Variants in ACOT1 observed in about 807,000 individuals in gnomAD.
ACOT1 encodes the protein acyl-CoA thioesterase 1, also known as acyl-coenzyme A thioesterase 1.
Under a neutral mutation model 15.7 loss-of-function variants are expected in ACOT1, and 8 were observed. The ratio of observed to expected loss-of-function variants is 0.51; its 90% CI spans 0.30 to 0.92. ACOT1 has a LOEUF of 0.92. Among genes scored for constraint, ACOT1 ranks in the 40% least tolerant of loss-of-function variants. ACOT1 has a pLI of 0.06. For synonymous variants in ACOT1, 67 were observed against 241.2 expected (o/e 0.28, Z 6.69); for missense variants, 151 against 539.4 (o/e 0.28, Z 7.13).
At chr14:73,491,314 C>T in the ACOT1 span, 2 of 1,516,332 alleles carry the variant, frequency 1.3e-6, no homozygotes, top group African/African-American at 1.4e-5. Flanking sequence ...CATACGGCCA[C>T]CTGGGGCCCG....
the ACOT1 span, chr14:73,492,662 C>T: frequency 6.2e-7 from 1 of 1,613,834 alleles, no homozygotes; most frequent in Non-Finnish European, 8.5e-7. The surrounding 1 kb of genome is among the most constrained non-coding windows in gnomAD (Gnocchi z 4.9). Context: ...AACAGAAGTC[C>T]ATATGCTTCA....
chr14:73,493,882 C>T, the ACOT1 span, among the ~76,000 whole-genome samples: 1 of 152,142 alleles, frequency 6.6e-6, no homozygotes, highest in South Asian at 2.1e-4. Context: ...TGATTGGGAC[C>T]AGTTCACTAA....
At chr14:73,532,520 A>C (rs1888737096), upstream of ACOT1, among the ~76,000 whole-genome samples, 1 of 114,434 alleles carries the variant, frequency 8.7e-6, no homozygotes, top group South Asian at 2.7e-4. Flanking sequence ...AGCTCATGCT[A>C]TTCAGGTGGT....
At chr14:73,509,607 G>T in the ACOT1 span, 2 of 825,210 alleles carry the variant, frequency 2.4e-6, no homozygotes. Flanking sequence ...TATAATTACA[G>T]TTTAGCTGAG....
the ACOT1 span, chr14:73,491,520 C>T: frequency 6.6e-7 from 1 of 1,518,342 alleles, no homozygotes; most frequent in Non-Finnish European, 8.8e-7. Flanking sequence ...GCGACGGCGT[C>T]GGGGCCGCAG....
chr14:73,506,684 A>T, the ACOT1 span: 7 of 699,512 alleles, frequency 1.0e-5, no homozygotes, highest in Non-Finnish European at 1.7e-5. Context: ...CAGTGGGCTT[A>T]CAAGAGATGG....
At chr14:73,499,292 C>T in the ACOT1 span, 1 of 692,546 alleles carries the variant, frequency 1.4e-6, no homozygotes, top group Non-Finnish European at 2.6e-6. Flanking sequence ...ACCAGCCTGG[C>T]CAACATGGTG....
rs4903121 is a variant in ACOT1 at position 73,538,343 on chromosome 14, C to G, written c.457+465C>G. 3.5e-5 allele frequency among the ~76,000 whole-genome samples: 4 copies of G among 114,184 alleles called. 2 individuals are homozygous for G. The highest frequency in any genetic ancestry group is 7.6e-5 in the Non-Finnish European group (4 of 52,542). The allele number at this position is 114,184 out of a possible 152,430, so 74.9% of individuals were successfully genotyped here. On this transcript the variant is annotated intron_variant, in intron 1 of 2. Transcript: ENST00000311148. Reference sequence around the variant, plus strand: ...AAAGACATTGTAAGGGCTGGGCGCGCTGGCTCACGCCTGTAATCCCAGCAC... The same window carrying G: ...AAAGACATTGTAAGGGCTGGGCGCGGTGGCTCACGCCTGTAATCCCAGCAC...
At chr14:73,490,990 G>A in the ACOT1 span, 34,826 of 1,340,654 alleles carry the variant, frequency 0.026, 536 homozygotes, top group Middle Eastern at 0.034. Context: ...CCGGCCGGCC[G>A]GGCGGGGAAG....
At chr14:73,503,771 T>C in the ACOT1 span, among the ~76,000 whole-genome samples, 1 of 152,222 alleles carries the variant, frequency 6.6e-6, no homozygotes, top group Non-Finnish European at 1.5e-5. Context: ...GGAAGACTTA[T>C]CCCTGCACCC....
the ACOT1 span, among the ~76,000 whole-genome samples, chr14:73,513,139 T>G: frequency 2.9e-3 from 435 of 152,354 alleles, 5 homozygotes; most frequent in African/African-American, 9.9e-3. Flanking sequence ...ATACATCATT[T>G]GCTGAGCATA....
the ACOT1 span, chr14:73,491,131 G>A: frequency 6.2e-7 from 1 of 1,607,800 alleles, no homozygotes. Context: ...GGTCCAGGAA[G>A]ATACGAAAGC....
chr14:73,535,760 C>T (rs565260514), upstream of ACOT1, among the ~76,000 whole-genome samples: 10 of 113,730 alleles, frequency 8.8e-5, 4 homozygotes, highest in Admixed American at 2.0e-4. Context: ...ATTACAGGCG[C>T]GAGCCACCGC....
chr14:73,520,773 G>A, the ACOT1 span: 1 of 1,361,828 alleles, frequency 7.3e-7, no homozygotes, highest in Non-Finnish European at 1.0e-6. Context: ...ACCCACAACT[G>A]TTTCCAGCCC....
rs112605892 is a variant in ACOT1, at chr14:73,541,692, T to C, written c.657T>C (p.Pro219=). 18 of 1,243,102 alleles carry C rather than the reference T, an allele frequency of 1.4e-5. 5 individuals carry two copies. Among genetic ancestry groups the C allele is most frequent in the East Asian group, 1.5e-4 (2 of 12,946 alleles). 77.0% of individuals were successfully genotyped at this position (1,243,102 alleles called of 1,614,324 possible). The change falls in exon 2 of 3, where the codon CCT becomes CCC. Residue 219 remains proline, a synonymous_variant. Coordinates refer to ENST00000311148, the MANE Select transcript of ACOT1 (RefSeq NM_001037161.2). The part of the protein sequence containing the change: ...EEAVNYLLSH[P]EVKGPGVGLL... Reference sequence around the variant, plus strand: ...CTGTGAACTACTTGCTCAGTCATCCTGAGGTGAGTTCTTCTCTCAGATTTA... The same window carrying C: ...CTGTGAACTACTTGCTCAGTCATCCCGAGGTGAGTTCTTCTCTCAGATTTA...
At chr14:73,536,505 C>A (rs1888866743), upstream of ACOT1, among the ~76,000 whole-genome samples, 1 of 85,876 alleles carries the variant, frequency 1.2e-5, no homozygotes, top group African/African-American at 4.0e-5. Context: ...CGTAGTGAGA[C>A]CCTGTCTCTT....
At chr14:73,524,310 A>AAAAAAAAAAAAATATATATATATAT in the ACOT1 span, among the ~76,000 whole-genome samples, 4 of 54,778 alleles carry the variant, frequency 7.3e-5, no homozygotes, top group African/African-American at 1.8e-4. Context: ...AAAAAAAAAA[A>AAAAAAAAAAAAATATATATATATAT]ATATATATAT....
At position 73,540,290 on chromosome 14, in the gene ACOT1, T is replaced by TA. The variant is rs1434356490; in HGVS notation, c.458-1196dup. 2.4e-4 allele frequency among the ~76,000 whole-genome samples: 37 copies of TA among 151,560 alleles called. 2 individuals are homozygous for TA. Among genetic ancestry groups the TA allele is most frequent in the Admixed American group, 1.1e-3 (17 of 15,164 alleles). ...TGCAGATGAGCAGTCTGGATTAATT[T>TA]AAAAAAAGAGCAAAGTCAACTGGAA... On this transcript the variant is annotated intron_variant, in intron 1 of 2. Transcript: ENST00000311148.
chr14:73,527,995 T>G, the ACOT1 span, among the ~76,000 whole-genome samples: 1 of 148,390 alleles, frequency 6.7e-6, no homozygotes, highest in Non-Finnish European at 1.5e-5. Flanking sequence ...AGGAGTGATT[T>G]AGGATGTCCC....
Sources: allele counts gnomAD v4.1 joint callset (sites outside exome capture counted in the v4.1 genomes callset), GRCh38; gene constraint gnomAD v4.1.1; non-coding constraint Gnocchi (gnomAD v3.1); transcripts MANE v1.5; gene names NCBI Gene and HGNC (gene_info 2026-07-23, HGNC 2026-07-21).